SHC4: variants seen among roughly 807,000 people sequenced by gnomAD.
The protein encoded by SHC4 is SHC adaptor protein 4.
A neutral mutation model predicts 69.4 loss-of-function variants in SHC4; 41 were observed. The ratio of observed to expected loss-of-function variants is 0.59; its 90% CI spans 0.46 to 0.77. The LOEUF is 0.77. SHC4 is among the 30% of genes least tolerant of loss of function. The pLI, the probability that SHC4 is intolerant of heterozygous loss-of-function variation, is 0.00. For missense variants in SHC4, 777 were observed against 783.8 expected, an observed-to-expected ratio of 0.99 and a Z score of 0.10; for synonymous variants, 318 against 299.3, an observed-to-expected ratio of 1.06 and a Z score of -0.64.
At chr15:48,900,633 T>C (rs1457558687) in intron 2 of SHC4, among the ~76,000 whole-genome samples, 2 of 152,094 alleles carry the variant, frequency 1.3e-5, no homozygotes, top group East Asian at 1.9e-4. Flanking sequence ...CTGCATTCTC[T>C]CTCTTATCTG....
At chr15:48,886,805 A>T (rs1244649861) in intron 3 of SHC4, among the ~76,000 whole-genome samples, 2 of 152,226 alleles carry the variant, frequency 1.3e-5, no homozygotes, top group African/African-American at 4.8e-5. Flanking sequence ...CCTTCGAGAA[A>T]GAGAAACTGC....
chr15:48,884,436 T>C lies in SHC4; in HGVS notation c.721-69A>G, dbSNP rs1246572574. ...TGTTACAGAATAAATGTTAATGTTT[T>C]TTAAATGTTAAAAATGAGTCAAAGT... On this transcript the variant is annotated intron_variant, in intron 3 of 11. Transcript: ENST00000332408. 4 of 1,384,374 alleles carry C rather than the reference T, an allele frequency of 2.9e-6. No homozygotes were observed. In the East Asian group the frequency reaches 1.0e-4, roughly 35 times the overall value. 85.8% of individuals were successfully genotyped at this position (1,384,374 alleles called of 1,614,324 possible). A position where few individuals can be genotyped will look rare whatever the true frequency, so the allele number is the denominator to read the frequency against.
chr15:48,943,580 AC>A (rs1901216341), intron 1 of SHC4, among the ~76,000 whole-genome samples: 1 of 152,182 alleles, frequency 6.6e-6, no homozygotes, highest in Non-Finnish European at 1.5e-5. Context: ...AGAAAGCTCT[AC>A]AAAATGCTGA....
At chr15:48,940,906 G>C (rs1166616197) in intron 1 of SHC4, among the ~76,000 whole-genome samples, 1 of 152,148 alleles carries the variant, frequency 6.6e-6, no homozygotes, top group Non-Finnish European at 1.5e-5. Flanking sequence ...CAACAATACG[G>C]CTTTGCGGAA....
At chr15:48,899,896 G>A (rs1900291059) in intron 2 of SHC4, among the ~76,000 whole-genome samples, 1 of 152,178 alleles carries the variant, frequency 6.6e-6, no homozygotes. Flanking sequence ...GGAATCTACA[G>A]CTTAACAAAC....
intron 2 of SHC4, among the ~76,000 whole-genome samples, chr15:48,892,880 A>T (rs1011669161): frequency 4.1e-4 from 62 of 151,930 alleles, no homozygotes; most frequent in Middle Eastern, 3.4e-3. Context: ...AAAAAAAAAA[A>T]AGTTGACTAT....
intron 1 of SHC4, among the ~76,000 whole-genome samples, chr15:48,941,799 A>T (rs992202590): frequency 3.3e-5 from 5 of 152,168 alleles, no homozygotes; most frequent in Admixed American, 2.0e-4. Context: ...TTTCATGGAT[A>T]TACCGGGTAG....
chr15:48,938,912 A>G (rs1901123296), intron 1 of SHC4, among the ~76,000 whole-genome samples: 1 of 152,188 alleles, frequency 6.6e-6, no homozygotes, highest in South Asian at 2.1e-4. Context: ...TCAGCTTTAC[A>G]CGTACTGGCT....
intron 4 of SHC4, chr15:48,877,564 A>T (rs1899832470): frequency 1.0e-6 from 1 of 985,226 alleles, no homozygotes; most frequent in Non-Finnish European, 1.2e-6. Context: ...CAAAGAATAC[A>T]CACCGCATTG....
At chr15:48,850,524 C>G (rs1167304921) in intron 9 of SHC4, among the ~76,000 whole-genome samples, 2 of 152,084 alleles carry the variant, frequency 1.3e-5, no homozygotes, top group African/African-American at 4.8e-5. Context: ...CAGTCATCTC[C>G]CCCTCTAAAA....
chr15:48,839,679 T>C (rs1049429612), intron 10 of SHC4, among the ~76,000 whole-genome samples: 4 of 152,172 alleles, frequency 2.6e-5, no homozygotes, highest in African/African-American at 9.7e-5. Context: ...ACCTTATTAC[T>C]TTTCCCCCGC....
chr15:48,885,862 C>T (rs1477618747), intron 3 of SHC4, among the ~76,000 whole-genome samples: 3 of 152,192 alleles, frequency 2.0e-5, no homozygotes, highest in East Asian at 3.8e-4. Flanking sequence ...CTGGGCAAAG[C>T]GAGCCACACA....
At chr15:48,917,443 G>A (rs1231775447) in intron 2 of SHC4, among the ~76,000 whole-genome samples, 2 of 152,056 alleles carry the variant, frequency 1.3e-5, no homozygotes, top group African/African-American at 2.4e-5. Flanking sequence ...CTCTTCCCTT[G>A]TTTCCTTTGG....
chr15:48,892,542 A>T (rs1900154825), intron 2 of SHC4, among the ~76,000 whole-genome samples: 1 of 152,134 alleles, frequency 6.6e-6, no homozygotes, highest in Admixed American at 6.5e-5. Context: ...ATGACTACTC[A>T]ATAATTGATA....
chr15:48,838,117 G>C lies in SHC4; in HGVS notation c.1484-3095C>G, dbSNP rs188773847. Among the ~76,000 whole-genome samples the C allele has an allele frequency of 5.3e-5, 8 of 152,274 alleles. No individual in the cohort carries two copies. The East Asian group carries it at 1.5e-3, about 29-fold the overall frequency. The stretch of plus-strand genomic sequence containing the variant: ...CACTCATACAATAGAATACTATAGA[G>C]CAATTTAAAATAGTGAAGATTGTAT... On this transcript the variant is annotated intron_variant, in intron 10 of 11. Coordinates refer to ENST00000332408, the MANE Select transcript of SHC4 (RefSeq NM_203349.4).
chr15:48,891,949 G>A (rs1276955956), intron 2 of SHC4, among the ~76,000 whole-genome samples: 1 of 152,130 alleles, frequency 6.6e-6, no homozygotes, highest in Non-Finnish European at 1.5e-5. Flanking sequence ...CCGCTTCCCG[G>A]GTTCATGCCA....
intron 5 of SHC4, 63 bp downstream of exon 5, chr15:48,872,026 C>G: frequency 9.9e-7 from 1 of 1,007,844 alleles, no homozygotes; most frequent in South Asian, 1.4e-5. Flanking sequence ...TATTATCATC[C>G]AGCCCCAAAT....
intron 1 of SHC4, among the ~76,000 whole-genome samples, chr15:48,953,284 G>A (rs1351592450): frequency 4.6e-5 from 7 of 152,152 alleles, no homozygotes; most frequent in Non-Finnish European, 8.8e-5. Context: ...AGGATGAGAG[G>A]AGGGAGAGGA....
chr15:48,862,209 T>A (rs934715760), intron 6 of SHC4, among the ~76,000 whole-genome samples: 8 of 151,594 alleles, frequency 5.3e-5, no homozygotes, highest in African/African-American at 1.9e-4. Context: ...TTTTTTTTTT[T>A]AACTTTCTTC....
Sources: allele counts gnomAD v4.1 joint callset (sites outside exome capture counted in the v4.1 genomes callset), GRCh38; gene constraint gnomAD v4.1.1; transcripts MANE v1.5; gene names NCBI Gene and HGNC (gene_info 2026-07-23, HGNC 2026-07-21).